Variants in ZMAT4 observed in about 807,000 individuals in gnomAD.
ZMAT4 encodes zinc finger matrin-type 4, also known as zinc finger matrin-type protein 4.
A neutral mutation model predicts 28.7 loss-of-function variants in ZMAT4; 17 were observed. That is an observed-to-expected ratio of 0.59 (90% CI 0.41 to 0.89). The LOEUF (loss-of-function observed/expected upper bound fraction) is 0.89, where lower values mean the gene tolerates loss of function less well. Ranked by LOEUF, ZMAT4 falls within the 40% of genes least tolerant of loss-of-function variation. ZMAT4 has a pLI of 0.00. For missense variants in ZMAT4, 240 were observed against 283.8 expected, an observed-to-expected ratio of 0.85 and a Z score of 1.11; for synonymous variants, 117 against 109.2, an observed-to-expected ratio of 1.07 and a Z score of -0.44.
At chr8:40,741,375 G>A (rs1286281874) in intron 3 of ZMAT4, among the ~76,000 whole-genome samples, 1 of 151,534 alleles carries the variant, frequency 6.6e-6, no homozygotes, top group East Asian at 1.9e-4. Context: ...TGAACCTAGG[G>A]GGCAGAGGTT....
At chr8:40,705,557 A>G (rs895536608) in intron 3 of ZMAT4, among the ~76,000 whole-genome samples, 1 of 152,230 alleles carries the variant, frequency 6.6e-6, no homozygotes, top group African/African-American at 2.4e-5. Flanking sequence ...TCTAAATGAC[A>G]TATCTTTGAA....
intron 1 of ZMAT4, among the ~76,000 whole-genome samples, chr8:40,837,545 A>C (rs1816540539): frequency 6.6e-6 from 1 of 152,208 alleles, no homozygotes; most frequent in African/African-American, 2.4e-5. Context: ...TTACCCAGTG[A>C]AACCTCTTAT....
intron 2 of ZMAT4, among the ~76,000 whole-genome samples, chr8:40,782,957 C>T (rs977666616): frequency 3.0e-4 from 45 of 152,336 alleles, no homozygotes; most frequent in African/African-American, 1.0e-3. Context: ...ACCTTACACA[C>T]TCCTGGTGGG....
intron 5 of ZMAT4, among the ~76,000 whole-genome samples, chr8:40,610,353 C>T (rs1224610756): frequency 6.6e-6 from 1 of 152,176 alleles, no homozygotes; most frequent in African/African-American, 2.4e-5. Flanking sequence ...ACTTTGCAAG[C>T]ATATCATGCC....
intron 5 of ZMAT4, among the ~76,000 whole-genome samples, chr8:40,616,090 A>G (rs1805995652): frequency 6.6e-6 from 1 of 152,240 alleles, no homozygotes; most frequent in South Asian, 2.1e-4. Context: ...ATGAACAGAC[A>G]CTTTCCAAAA....
intron 1 of ZMAT4, among the ~76,000 whole-genome samples, chr8:40,826,091 T>G (rs1014233167): frequency 6.6e-6 from 1 of 152,242 alleles, no homozygotes; most frequent in Admixed American, 6.5e-5. Flanking sequence ...AGATTCTGTC[T>G]CTACAAAACT....
chr8:40,806,365 T>A (rs1330561978), intron 2 of ZMAT4, among the ~76,000 whole-genome samples: 1 of 152,208 alleles, frequency 6.6e-6, no homozygotes, highest in African/African-American at 2.4e-5. Context: ...ACTTTATTTC[T>A]TAATGACATG....
chr8:40,743,841 G>A (rs1057350263), intron 3 of ZMAT4, among the ~76,000 whole-genome samples: 4 of 152,122 alleles, frequency 2.6e-5, no homozygotes, highest in Non-Finnish European at 4.4e-5. Context: ...GAGAAGGAGC[G>A]GCTGATTCTG....
chr8:40,657,667 T>C (rs1807986283), intron 5 of ZMAT4, among the ~76,000 whole-genome samples: 1 of 152,204 alleles, frequency 6.6e-6, no homozygotes, highest in Admixed American at 6.5e-5. Flanking sequence ...CAATATGTTC[T>C]TAGAAATTGT....
chr8:40,589,760 C>CTTTCTTTCTTTCTTTCTTTCTTTCT (rs1563353939), intron 5 of ZMAT4, among the ~76,000 whole-genome samples: 1 of 52,912 alleles, frequency 1.9e-5, no homozygotes, highest in Non-Finnish European at 4.4e-5. Context: ...TTCTTTCTTT[C>CTTTCTTTCTTTCTTTCTTTCTTTCT]TTTTTCTTTC....
rs146150021 is a variant in ZMAT4 at position 40,787,311 on chromosome 8, C to T, written c.103-19581G>A. Among the ~76,000 whole-genome samples the T allele has an allele frequency of 1.3e-4, 20 of 152,296 alleles. 1 individual carries two copies. The East Asian group carries it at 3.1e-3, about 24-fold the overall frequency. ...CCTGAAACTACAGATAGTGCCAATC[C>T]CCATCGCTGTCAATCAGAACATGTT... On this transcript the variant is annotated intron_variant, in intron 2 of 6. Transcript: ENST00000297737.
chr8:40,649,877 C>T (rs375358549), intron 5 of ZMAT4, among the ~76,000 whole-genome samples: 5 of 151,644 alleles, frequency 3.3e-5, no homozygotes, highest in East Asian at 1.9e-4. Flanking sequence ...TTGAAACCAA[C>T]GAGAACAAAG....
intron 5 of ZMAT4, among the ~76,000 whole-genome samples, chr8:40,601,640 G>GCAGGCAGGCAGGCATGC (rs1563360833): frequency 4.2e-5 from 1 of 23,744 alleles, no homozygotes; most frequent in Non-Finnish European, 1.1e-4. Context: ...GAAAGAGAAA[G>GCAGGCAGGCAGGCATGC]AAAGAAAGAA....
chr8:40,775,792 A>G (rs190061759), intron 2 of ZMAT4, among the ~76,000 whole-genome samples: 1 of 152,266 alleles, frequency 6.6e-6, no homozygotes. Flanking sequence ...GCCCAATGTG[A>G]CTGTATCTGG....
intron 1 of ZMAT4, among the ~76,000 whole-genome samples, chr8:40,855,138 C>T (rs1817251301): frequency 6.6e-6 from 1 of 152,164 alleles, no homozygotes; most frequent in African/African-American, 2.4e-5. Flanking sequence ...TCAAATGACA[C>T]TAGACTTCAA....
chr8:40,563,395 G>A (rs1803811418), intron 6 of ZMAT4, among the ~76,000 whole-genome samples: 2 of 152,164 alleles, frequency 1.3e-5, no homozygotes, highest in Admixed American at 1.3e-4. Context: ...CACACTGTTT[G>A]CTGGTGCTAT....
At chr8:40,570,755 C>T (rs866750703) in intron 6 of ZMAT4, among the ~76,000 whole-genome samples, 8 of 152,110 alleles carry the variant, frequency 5.3e-5, no homozygotes, top group African/African-American at 1.7e-4. Flanking sequence ...AACAAAAAAA[C>T]CTTGTGAAGT....
intron 5 of ZMAT4, among the ~76,000 whole-genome samples, chr8:40,601,452 G>GGAAA (rs1805311412): frequency 2.0e-5 from 1 of 49,222 alleles, no homozygotes; most frequent in African/African-American, 8.1e-5. Flanking sequence ...AAGGAAGGAA[G>GGAAA]GAAGGGAGGA....
At chr8:40,701,974 T>C (rs891227054) in intron 3 of ZMAT4, among the ~76,000 whole-genome samples, 1 of 152,192 alleles carries the variant, frequency 6.6e-6, no homozygotes, top group African/African-American at 2.4e-5. Context: ...TTAAGAAGGC[T>C]GAGCCCCCAT....
Sources: allele counts gnomAD v4.1 joint callset (sites outside exome capture counted in the v4.1 genomes callset), GRCh38; gene constraint gnomAD v4.1.1; transcripts MANE v1.5; gene names NCBI Gene and HGNC (gene_info 2026-07-23, HGNC 2026-07-21).